Variants in STK25 observed in about 807,000 individuals in gnomAD.
The protein encoded by STK25 is serine/threonine kinase 25.
A neutral mutation model predicts 53.8 loss-of-function variants in STK25; 29 were observed. The observed-to-expected ratio is 0.54, with a 90% CI of 0.40 to 0.74. STK25 has a LOEUF of 0.74. Among genes scored for constraint, STK25 ranks in the 30% least tolerant of loss-of-function variants. STK25 has a pLI of 0.00. For missense variants in STK25, 420 were observed against 568.0 expected (o/e 0.74, Z 2.65); for synonymous variants, 247 against 238.3 (o/e 1.04, Z -0.33).
rs761487708 is a variant in STK25, at chr2:241,492,973, T to C, written c.*2689A>G. 6.2e-7 allele frequency: 1 copy of C among 1,613,300 alleles called. No homozygotes were observed. Among genetic ancestry groups the C allele is most frequent in the Non-Finnish European group, 8.5e-7 (1 of 1,179,242 alleles). On this transcript the variant is annotated 3_prime_UTR_variant, in exon 12 of 12. Coordinates refer to ENST00000316586, the MANE Select transcript of STK25 (RefSeq NM_001271977.2). Reference sequence around the variant, plus strand: ...TGCTAAGAAAGTTCAAAAACAGTCATGGCTGGCAGAAGCTCTGGGTCGTCT... The same window carrying C: ...TGCTAAGAAAGTTCAAAAACAGTCACGGCTGGCAGAAGCTCTGGGTCGTCT...
Position 241,501,025 on chromosome 2 carries a change from C to A in STK25, c.262-229G>T, listed in dbSNP as rs34738418. 2.0e-3 allele frequency: 1,169 copies of A among 590,008 alleles called. 17 individuals carry two copies. The highest frequency in any genetic ancestry group is 0.019 in the African/African-American group (1,017 of 53,790). 36.5% of individuals were successfully genotyped at this position (590,008 alleles called of 1,614,324 possible). ...TGAGTACACACAGCAGTGGCTGACT[C>A]CACTTCACCAAGACCCCATCAAAAA... On this transcript the variant is annotated intron_variant, in intron 3 of 11. Transcript: ENST00000316586. This position sits in a 1 kb window ranked among gnomAD's most constrained non-coding sequence, Gnocchi z 5.3.
At position 241,501,723 on chromosome 2, in the gene STK25, C is replaced by T. The variant is rs35619368; in HGVS notation, c.31-15G>A. 279 of 1,602,718 alleles carry T rather than the reference C, an allele frequency of 1.7e-4. 1 individual carries two copies. In the African/African-American group the frequency reaches 2.5e-3, roughly 15 times the overall value. ...ACTCGAGAGTGCTGTGGGGCCAGGG[C>T]GGGGACAGAGGGCAGACAGCGCCGG... On this transcript the variant is annotated splice_polypyrimidine_tract_variant and intron_variant, in intron 2 of 11. Transcript: ENST00000316586. The surrounding 1 kb of genome is among the most constrained non-coding windows in gnomAD (Gnocchi z 5.3).
chr2:241,501,607 C>G lies in STK25; in HGVS notation c.132G>C (p.Glu44Asp). The change falls in exon 3 of 12, where the codon GAG becomes GAC. Residue 44 changes from glutamate to aspartate, a missense_variant. Glu to Asp is a conservative substitution (Grantham distance 45). Transcript: ENST00000316586. This position sits in a 1 kb window ranked among gnomAD's most constrained non-coding sequence, Gnocchi z 5.3. ...VYKGIDNHTK[E>D]VVAIKIIDLE... ...GGTCGATGATCTTGATGGCCACCACCTCCTTTGTGTGGTTATCGATGCCCT... is the reference window on the plus strand; with the variant it reads ...GGTCGATGATCTTGATGGCCACCACGTCCTTTGTGTGGTTATCGATGCCCT... 1 of 1,614,146 alleles carries G rather than the reference C, an allele frequency of 6.2e-7. No homozygotes were observed. Among genetic ancestry groups the G allele is most frequent in the South Asian group, 1.1e-5 (1 of 91,086 alleles).
In STK25 at chr2:241,493,879, G is replaced by T. The variant is rs2065027253; in HGVS notation, c.*1783C>A. 1.7e-6 allele frequency: 1 copy of T among 580,476 alleles called. No homozygotes were observed. The highest frequency in any genetic ancestry group is 1.9e-5 in the African/African-American group (1 of 52,050). The allele number at this position is 580,476 out of a possible 1,614,324, so 36.0% of individuals were successfully genotyped here. On this transcript the variant is annotated 3_prime_UTR_variant, in exon 12 of 12. Coordinates refer to ENST00000316586, the MANE Select transcript of STK25 (RefSeq NM_001271977.2). ...CCCAAAGTGCTGGGATTATAGGCATGAGCCACCGCACCCGGCCCCAGGTTT... is the reference window on the plus strand; with the variant it reads ...CCCAAAGTGCTGGGATTATAGGCATTAGCCACCGCACCCGGCCCCAGGTTT...
At position 241,498,334 on chromosome 2, in the gene STK25, C is replaced by A. The variant is rs1327688910; in HGVS notation, c.933G>T (p.Glu311Asp). Residue 311 changes from glutamate (E) to aspartate (D), a missense_variant, in exon 9 of 12, where the codon GAG becomes GAT. Physicochemically the swap from Glu to Asp is conservative, Grantham distance 45. Coordinates refer to ENST00000316586, the MANE Select transcript of STK25 (RefSeq NM_001271977.2). Reference protein sequence around the residue: ...SEDSDIDGEAEDGEQGPIWTF... With the variant: ...SEDSDIDGEADDGEQGPIWTF... Reference sequence around the variant, plus strand: ...TCCAGATGGGGCCCTGCTCCCCGTCCTCCGCCTCGCCATCACTGAAGAGGA... The same window carrying A: ...TCCAGATGGGGCCCTGCTCCCCGTCATCCGCCTCGCCATCACTGAAGAGGA... 6 of 1,594,572 alleles carry A rather than the reference C, an allele frequency of 3.8e-6. No homozygotes were observed. The highest frequency in any genetic ancestry group is 5.1e-6 in the Non-Finnish European group (6 of 1,167,624).
chr2:241,504,148 C>T (rs918968984), intron 2 of STK25: 1 of 470,482 alleles, frequency 2.1e-6, no homozygotes, highest in African/African-American at 2.0e-5. Context: ...TAACCTTTCC[C>T]TGCAAGGCTG....
At position 241,501,436 on chromosome 2, in the gene STK25, G is replaced by C; in HGVS notation, c.261+42C>G. On this transcript the variant is annotated intron_variant, in intron 3 of 11. Transcript: ENST00000316586. This position sits in a 1 kb window ranked among gnomAD's most constrained non-coding sequence, Gnocchi z 5.3. ...GTCCCTCTGACATGGAAGAGAGCCG[G>C]GCACAGCACCAGCAGGGTCCCCGCC... 1 of 1,584,384 alleles carries C rather than the reference G, an allele frequency of 6.3e-7. No homozygotes were observed. The highest frequency in any genetic ancestry group is 8.6e-7 in the Non-Finnish European group (1 of 1,157,356).
At chr2:241,508,363 C>A in intron 1 of STK25, 80 bp downstream of exon 1, 1 of 1,136,086 alleles carries the variant, frequency 8.8e-7, no homozygotes, top group South Asian at 2.8e-5. Flanking sequence ...CCGGTGTCCC[C>A]GCCACCGAGC....
In STK25 at chr2:241,501,310, C is replaced by G; in HGVS notation, c.261+168G>C. ...CAATGGCCATTTAGAGCCAACTGAC[C>G]CTCGTGGACGAGGGCTCACACCCTG... On this transcript the variant is annotated intron_variant, in intron 3 of 11. Coordinates refer to ENST00000316586, the MANE Select transcript of STK25 (RefSeq NM_001271977.2). The surrounding 1 kb of genome is among the most constrained non-coding windows in gnomAD (Gnocchi z 5.3). 1.4e-6 allele frequency: 1 copy of G among 692,348 alleles called. No individual in the cohort carries two copies. The highest frequency in any genetic ancestry group is 2.5e-6 in the Non-Finnish European group (1 of 392,982). 42.9% of individuals were successfully genotyped at this position (692,348 alleles called of 1,614,324 possible).
chr2:241,498,919 C>T (rs948173846), intron 7 of STK25, 70 bp downstream of exon 7: 76 of 1,609,206 alleles, frequency 4.7e-5, no homozygotes, highest in Non-Finnish European at 5.8e-5. Flanking sequence ...CGGGCTGTGC[C>T]GCCCACCCCA....
Position 241,501,734 on chromosome 2 carries a change from G to A in STK25, c.31-26C>T, listed in dbSNP as rs367567470. The A allele has an allele frequency of 1.8e-5, 28 of 1,580,676 alleles. No homozygotes were observed. The African/African-American group carries it at 3.8e-4, about 21-fold the overall frequency. On this transcript the variant is annotated intron_variant, in intron 2 of 11. Coordinates refer to ENST00000316586, the MANE Select transcript of STK25 (RefSeq NM_001271977.2). The surrounding 1 kb of genome is among the most constrained non-coding windows in gnomAD (Gnocchi z 5.3). ...CTGTGGGGCCAGGGCGGGGACAGAG[G>A]GCAGACAGCGCCGGTCACAAGAGGC...
Position 241,499,238 on chromosome 2 carries a change from G to C in STK25, c.585+19C>G, listed in dbSNP as rs368133729. 14 of 1,613,716 alleles carry C rather than the reference G, an allele frequency of 8.7e-6. No homozygotes were observed. Among genetic ancestry groups the C allele is most frequent in the Non-Finnish European group, 1.2e-5 (14 of 1,179,890 alleles). On this transcript the variant is annotated intron_variant, in intron 6 of 11. Coordinates refer to ENST00000316586, the MANE Select transcript of STK25 (RefSeq NM_001271977.2). ...CGAGCCAGGCATGGTGCCCGCACCTGCCCGCCCGCTGCACCCACCTTGAAG... is the reference window on the plus strand; with the variant it reads ...CGAGCCAGGCATGGTGCCCGCACCTCCCCGCCCGCTGCACCCACCTTGAAG...
rs558536142 is a variant in STK25 at position 241,508,143 on chromosome 2, G to A, written c.-100-8C>T. 4 of 1,478,536 alleles carry A rather than the reference G, an allele frequency of 2.7e-6. No homozygotes were observed. The highest frequency in any genetic ancestry group is 2.9e-5 in the African/African-American group (2 of 68,712). The allele number at this position is 1,478,536 out of a possible 1,614,324, so 91.6% of individuals were successfully genotyped here. On this transcript the variant is annotated splice_polypyrimidine_tract_variant and splice_region_variant and intron_variant, in intron 1 of 11. Transcript: ENST00000316586. The stretch of plus-strand genomic sequence containing the variant: ...CCCTGCGGCGTCAGTCCACTGCGAG[G>A]GACACCAGGGGCGCTCGGTGCCCAG...
In STK25 at chr2:241,493,787, G is replaced by GACA; in HGVS notation, c.*1874_*1875insTGT. On this transcript the variant is annotated 3_prime_UTR_variant, in exon 12 of 12. Transcript: ENST00000316586. ...AATTTTTGTATTTTTAGTAGAGACAGGGTTTCACCATGTTGGCCAGGCTGG... is the reference window on the plus strand; with the variant it reads ...AATTTTTGTATTTTTAGTAGAGACAGACAGGTTTCACCATGTTGGCCAGGCTGG... 1 of 486,840 alleles carries GACA rather than the reference G, an allele frequency of 2.1e-6. No individual in the cohort carries two copies. Among genetic ancestry groups the GACA allele is most frequent in the African/African-American group, 2.0e-5 (1 of 51,250 alleles). The allele number at this position is 486,840 out of a possible 1,614,324, so 30.2% of individuals were successfully genotyped here. A position where few individuals can be genotyped will look rare whatever the true frequency, so the allele number is the denominator to read the frequency against.
chr2:241,500,648 C>T, intron 4 of STK25, 92 bp downstream of exon 4: 3 of 1,331,130 alleles, frequency 2.3e-6, no homozygotes, highest in Non-Finnish European at 3.2e-6. Flanking sequence ...TGCCATGACA[C>T]CAAACGAGAG....
At position 241,502,077 on chromosome 2, in the gene STK25, T is replaced by C. The variant is rs1161238351; in HGVS notation, c.31-369A>G. The stretch of plus-strand genomic sequence containing the variant: ...TACTCAGGAGGCTGAGGCAGGAGAA[T>C]TGCTTGAACCCGGGAGGCGGAGGTT... On this transcript the variant is annotated intron_variant, in intron 2 of 11. Transcript: ENST00000316586. The C allele has an allele frequency of 4.6e-5, 10 of 218,520 alleles. No homozygotes were observed. In the South Asian group the frequency reaches 6.4e-4, roughly 14 times the overall value. The allele number at this position is 218,520 out of a possible 1,614,324, so 13.5% of individuals were successfully genotyped here.
At position 241,499,407 on chromosome 2, in the gene STK25, G is replaced by A. The variant is rs776769317; in HGVS notation, c.435C>T (p.Asn145=). 2.4e-5 allele frequency: 38 copies of A among 1,613,442 alleles called. No individual in the cohort carries two copies. Among genetic ancestry groups the A allele is most frequent in the African/African-American group, 5.3e-5 (4 of 74,892 alleles). ...CGTCACCCTGCTCCGAGAGTAGCAC[G>A]TTGGCAGCTGCTTGACACAGGACAG... ...RKIHRDIKAA[N]VLLSEQGDVK... The change falls in exon 6 of 12, where the codon AAC becomes AAT. Residue 145 remains asparagine (N), a synonymous_variant. Transcript: ENST00000316586.
At position 241,492,790 on chromosome 2, in the gene STK25, C is replaced by T. The variant is rs1936669328; in HGVS notation, c.*2872G>A. ...TTGGACTTAAGTACTGATAAAGCTG[C>T]TGTTCATAGCAGTCCAGAGGTAAAA... On this transcript the variant is annotated 3_prime_UTR_variant, in exon 12 of 12. Coordinates refer to ENST00000316586, the MANE Select transcript of STK25 (RefSeq NM_001271977.2). The T allele has an allele frequency of 1.7e-6, 1 of 593,616 alleles. No homozygotes were observed. Among genetic ancestry groups the T allele is most frequent in the Admixed American group, 2.9e-5 (1 of 33,944 alleles). The allele number at this position is 593,616 out of a possible 1,614,324, so 36.8% of individuals were successfully genotyped here. A position where few individuals can be genotyped will look rare whatever the true frequency, so the allele number is the denominator to read the frequency against.
intron 11 of STK25, 31 bp from the exon 12 acceptor site, chr2:241,495,732 G>C (rs200343988): frequency 6.2e-7 from 1 of 1,613,228 alleles, no homozygotes; most frequent in African/African-American, 1.3e-5. Flanking sequence ...TGCTGCGTGC[G>C]TGCACCTCTG....
Sources: allele counts gnomAD v4.1 joint callset, GRCh38; gene constraint gnomAD v4.1.1; non-coding constraint Gnocchi (gnomAD v3.1); transcripts MANE v1.5; gene names NCBI Gene and HGNC (gene_info 2026-07-23, HGNC 2026-07-21).